The following KSR2 variants were observed in gnomAD, a reference collection of about 807,000 sequenced individuals.
KSR2 encodes the protein kinase suppressor of ras 2.
In KSR2, 25 loss-of-function variants were observed where a neutral mutation model predicts 107.8. The observed-to-expected ratio is 0.23, with a 90% CI of 0.17 to 0.32. The LOEUF is 0.32. KSR2 is among the 10% of genes least tolerant of loss of function. KSR2 has a pLI of 1.00. For missense variants in KSR2, 887 were observed against 1,268.9 expected (o/e 0.70, Z 4.57); for synonymous variants, 480 against 507.0 (o/e 0.95, Z 0.71).
At chr12:117,497,569 C>T (rs148348687) in intron 14 of KSR2, among the ~76,000 whole-genome samples, 4 of 152,124 alleles carry the variant, frequency 2.6e-5, no homozygotes, top group African/African-American at 4.8e-5. Flanking sequence ...AAAAGGTTTC[C>T]GGGCAGCACC....
At chr12:117,547,140 T>A (rs1286496669) in intron 9 of KSR2, among the ~76,000 whole-genome samples, 4 of 152,216 alleles carry the variant, frequency 2.6e-5, no homozygotes. Context: ...TTGCTGGATT[T>A]CTGACATTGC....
chr12:117,841,425 G>A (rs190544771), intron 3 of KSR2, among the ~76,000 whole-genome samples: 66 of 152,176 alleles, frequency 4.3e-4, no homozygotes, highest in African/African-American at 1.5e-3. Context: ...TGTGAAACTG[G>A]GCGTGCAGCC....
In KSR2 at chr12:117,676,202, A is replaced by T. The variant is rs571856965; in HGVS notation, c.987-8544T>A. Among the ~76,000 whole-genome samples the T allele has an allele frequency of 5.3e-5, 8 of 152,248 alleles. No homozygotes were observed. The South Asian group carries it at 1.7e-3, about 32-fold the overall frequency. ...ATGTTTATTGAGAATCTGCTCTGTT[A>T]TTGGCCACAGGCGATAGCCCTCATT... On this transcript the variant is annotated intron_variant, in intron 4 of 19. Transcript: ENST00000339824.
chr12:117,893,897 G>A (rs1894423398), intron 1 of KSR2, among the ~76,000 whole-genome samples: 1 of 143,454 alleles, frequency 7.0e-6, no homozygotes, highest in African/African-American at 2.6e-5. Context: ...AATCCACAAA[G>A]AACAAAATTC....
chr12:117,465,540 T>G lies in KSR2; in HGVS notation c.*1659A>C, dbSNP rs970902958. The G allele has an allele frequency of 6.6e-6, 1 of 152,336 alleles. No homozygotes were observed. Among genetic ancestry groups the G allele is most frequent in the East Asian group, 1.9e-4 (1 of 5,160 alleles). 9.4% of individuals were successfully genotyped at this position (152,336 alleles called of 1,614,324 possible). On this transcript the variant is annotated 3_prime_UTR_variant, in exon 20 of 20. Transcript: ENST00000339824. ...GGAAGCAGGTTTGGCCCCCAGAGCA[T>G]GAACCAGTCTGGGAGTCACCCAAGG... is the stretch of plus-strand genomic sequence containing the variant.
At chr12:117,806,676 C>T (rs532241289) in intron 3 of KSR2, among the ~76,000 whole-genome samples, 1 of 152,292 alleles carries the variant, frequency 6.6e-6, no homozygotes, top group East Asian at 1.9e-4. Context: ...CATGTCCCCT[C>T]CTCTCAGCCC....
intron 3 of KSR2, among the ~76,000 whole-genome samples, chr12:117,846,836 T>C (rs1892722915): frequency 6.6e-6 from 1 of 152,218 alleles, no homozygotes; most frequent in Non-Finnish European, 1.5e-5. Context: ...GTGACCGCTG[T>C]ACTGAACAGT....
At chr12:117,937,111 A>ATAC (rs1194508088) in intron 1 of KSR2, among the ~76,000 whole-genome samples, 1 of 152,250 alleles carries the variant, frequency 6.6e-6, no homozygotes, top group African/African-American at 2.4e-5. Flanking sequence ...AAATGTGATT[A>ATAC]TACACATATG....
chr12:117,665,721 G>A lies in KSR2; in HGVS notation c.1171+1753C>T, dbSNP rs181662656. 1.0e-3 allele frequency among the ~76,000 whole-genome samples: 155 copies of A among 152,328 alleles called. 4 individuals carry two copies. The highest frequency in any genetic ancestry group is 4.7e-4 in the Non-Finnish European group (32 of 68,026). ...TGTGCAGAAGGCTTGGCATGCATGA[G>A]CTCATCTAATCCTCACAACTGTCTA... On this transcript the variant is annotated intron_variant, in intron 5 of 19. Transcript: ENST00000339824.
At chr12:117,851,582 T>C (rs147778030) in intron 3 of KSR2, among the ~76,000 whole-genome samples, 2 of 152,094 alleles carry the variant, frequency 1.3e-5, no homozygotes, top group African/African-American at 4.8e-5. Context: ...AGCAAGACCC[T>C]GTCTCAAAAA....
At chr12:117,563,077 G>C (rs1039840054) in intron 7 of KSR2, among the ~76,000 whole-genome samples, 8 of 151,332 alleles carry the variant, frequency 5.3e-5, no homozygotes, top group Admixed American at 3.3e-4. Context: ...TGTTCTTCCA[G>C]CTGGAAATGT....
At chr12:117,518,703 T>C (rs2134142) in intron 14 of KSR2, among the ~76,000 whole-genome samples, 1 of 152,016 alleles carries the variant, frequency 6.6e-6, no homozygotes, top group Non-Finnish European at 1.5e-5. Flanking sequence ...ATTCAAAGCC[T>C]TGCAATTATC....
At chr12:117,663,302 T>G (rs900898455) in intron 5 of KSR2, among the ~76,000 whole-genome samples, 4 of 152,200 alleles carry the variant, frequency 2.6e-5, no homozygotes, top group Non-Finnish European at 5.9e-5. Flanking sequence ...TTGGGCCAAC[T>G]GCTTAAACTC....
At chr12:117,678,270 A>G (rs1311079170) in intron 4 of KSR2, among the ~76,000 whole-genome samples, 1 of 151,956 alleles carries the variant, frequency 6.6e-6, no homozygotes, top group Non-Finnish European at 1.5e-5. Flanking sequence ...TTCTAACCCA[A>G]TTTGTCCAGA....
At chr12:117,848,923 T>C (rs891867835) in intron 3 of KSR2, among the ~76,000 whole-genome samples, 1 of 149,680 alleles carries the variant, frequency 6.7e-6, no homozygotes, top group African/African-American at 2.4e-5. Flanking sequence ...TATCATCTCA[T>C]GTAATGCTCC....
intron 1 of KSR2, among the ~76,000 whole-genome samples, chr12:117,925,395 AT>A (rs1431938970): frequency 6.6e-6 from 1 of 152,188 alleles, no homozygotes; most frequent in Non-Finnish European, 1.5e-5. Flanking sequence ...AACTGCTGAG[AT>A]TATAGGCATA....
intron 5 of KSR2, among the ~76,000 whole-genome samples, chr12:117,586,907 G>C (rs576351389): frequency 3.2e-4 from 49 of 152,210 alleles, no homozygotes; most frequent in Non-Finnish European, 5.9e-4. Context: ...ATTAATGGAA[G>C]TGAATTTCAT....
At chr12:117,551,055 A>G (rs1432803456) in intron 9 of KSR2, among the ~76,000 whole-genome samples, 1 of 152,230 alleles carries the variant, frequency 6.6e-6, no homozygotes, top group Non-Finnish European at 1.5e-5. Context: ...CACTTCAAAC[A>G]GCTTGAATAC....
chr12:117,611,451 C>CACACACACACACACACACAT (rs1881592823), intron 5 of KSR2, among the ~76,000 whole-genome samples: 1 of 151,992 alleles, frequency 6.6e-6, no homozygotes, highest in Non-Finnish European at 1.5e-5. Context: ...CACAGACACA[C>CACACACACACACACACACAT]ACACACACAC....
Sources: allele counts gnomAD v4.1 joint callset (sites outside exome capture counted in the v4.1 genomes callset), GRCh38; gene constraint gnomAD v4.1.1; transcripts MANE v1.5; gene names NCBI Gene and HGNC (gene_info 2026-07-23, HGNC 2026-07-21).